Variants in KCNMB2 observed in about 807,000 individuals in gnomAD.
The protein encoded by KCNMB2 is calcium-activated potassium channel subunit beta-2.
In KCNMB2, 9 loss-of-function variants were observed where a neutral mutation model predicts 24.5. The observed-to-expected ratio is 0.37, with a 90% CI of 0.22 to 0.64. The LOEUF (loss-of-function observed/expected upper bound fraction) is 0.64, where lower values mean the gene tolerates loss of function less well. Among genes scored for constraint, KCNMB2 ranks in the 30% least tolerant of loss-of-function variants. KCNMB2 has a pLI of 0.63. For synonymous variants in KCNMB2, 109 were observed against 104.4 expected (o/e 1.04, Z -0.27); for missense variants, 226 against 284.3 (o/e 0.79, Z 1.47).
intron 1 of KCNMB2, among the ~76,000 whole-genome samples, chr3:178,764,090 G>A (rs754211074): frequency 2.6e-5 from 4 of 152,156 alleles, no homozygotes; most frequent in African/African-American, 4.8e-5. Context: ...TATTTGATTC[G>A]TAGTCTACTG....
chr3:178,660,709 G>A (rs181943753), intron 1 of KCNMB2, among the ~76,000 whole-genome samples: 72 of 152,232 alleles, frequency 4.7e-4, no homozygotes, highest in African/African-American at 1.6e-3. Flanking sequence ...ACTAAGACTC[G>A]GAGAGGTTAA....
intron 1 of KCNMB2, among the ~76,000 whole-genome samples, chr3:178,563,932 A>T (rs1311426584): frequency 6.6e-6 from 1 of 152,206 alleles, no homozygotes; most frequent in Non-Finnish European, 1.5e-5. Context: ...CAAAACATGG[A>T]AATGAAGAGT....
chr3:178,807,329 T>C lies in KCNMB2; in HGVS notation c.-67-14T>C, dbSNP rs942322929. On this transcript the variant is annotated splice_polypyrimidine_tract_variant and intron_variant, in intron 1 of 4. Transcript: ENST00000452583. Reference sequence around the variant, plus strand: ...CTATTTGTTGCTGTTAACTTCATTGTGTACCTCTTCTAGGTCTTTTTGCCA... The same window carrying C: ...CTATTTGTTGCTGTTAACTTCATTGCGTACCTCTTCTAGGTCTTTTTGCCA... 7.1e-6 allele frequency: 8 copies of C among 1,132,002 alleles called. No individual in the cohort carries two copies. The Admixed American group carries it at 1.5e-4, about 21-fold the overall frequency. The allele number at this position is 1,132,002 out of a possible 1,614,324, so 70.1% of individuals were successfully genotyped here.
intron 1 of KCNMB2, among the ~76,000 whole-genome samples, chr3:178,592,323 C>T (rs891847480): frequency 5.9e-5 from 9 of 152,052 alleles, no homozygotes; most frequent in African/African-American, 2.2e-4. Flanking sequence ...AGGTGGAACG[C>T]GAAGGTAATA....
At position 178,735,972 on chromosome 3, in the gene KCNMB2, A is replaced by C. The variant is rs191121747; in HGVS notation, c.-67-71371A>C. 1.5e-3 allele frequency among the ~76,000 whole-genome samples: 234 copies of C among 152,312 alleles called. 1 individual carries two copies. Among genetic ancestry groups the C allele is most frequent in the African/African-American group, 5.4e-3 (226 of 41,582 alleles). On this transcript the variant is annotated intron_variant, in intron 1 of 4. Transcript: ENST00000452583. ...CCAGTAAAATGTTTATAGGAGTACA[A>C]ATAAAGTCTGCCGGTTTTTGGTGTC...
At chr3:178,536,938 G>C (rs1327480802) in intron 1 of KCNMB2, among the ~76,000 whole-genome samples, 1 of 152,202 alleles carries the variant, frequency 6.6e-6, no homozygotes, top group African/African-American at 2.4e-5. Context: ...AGCTTGCTGA[G>C]TGTGCATTCC....
At chr3:178,675,115 G>A (rs1721028655) in intron 1 of KCNMB2, among the ~76,000 whole-genome samples, 1 of 152,190 alleles carries the variant, frequency 6.6e-6, no homozygotes, top group African/African-American at 2.4e-5. Context: ...TTCAGTAAAT[G>A]TCTGTAAATG....
At chr3:178,772,480 T>C (rs1560015525) in intron 1 of KCNMB2, among the ~76,000 whole-genome samples, 6 of 152,190 alleles carry the variant, frequency 3.9e-5, no homozygotes, top group Admixed American at 2.0e-4. Flanking sequence ...GGGGTTTTCC[T>C]GCACAAGCTC....
Position 178,693,960 on chromosome 3 carries a change from A to T in KCNMB2, c.-67-113383A>T, listed in dbSNP as rs112008811. 1.7e-3 allele frequency among the ~76,000 whole-genome samples: 248 copies of T among 149,952 alleles called. 1 individual carries two copies. Among genetic ancestry groups the T allele is most frequent in the African/African-American group, 5.8e-3 (237 of 40,582 alleles). ...TTCAGAGCTCATTATTGGTCTTTTC[A>T]GGGATTAAACGCATTCCTGTTTCAG... On this transcript the variant is annotated intron_variant, in intron 1 of 4. Coordinates refer to ENST00000452583, the MANE Select transcript of KCNMB2 (RefSeq NM_181361.3).
chr3:178,680,747 C>A (rs1277395608), intron 1 of KCNMB2, among the ~76,000 whole-genome samples: 1 of 152,154 alleles, frequency 6.6e-6, no homozygotes, highest in Non-Finnish European at 1.5e-5. Context: ...CAGTGTGACT[C>A]ATTTTCTAAA....
At chr3:178,580,022 G>A (rs1190671033) in intron 1 of KCNMB2, among the ~76,000 whole-genome samples, 1 of 152,110 alleles carries the variant, frequency 6.6e-6, no homozygotes, top group Non-Finnish European at 1.5e-5. Flanking sequence ...CATTTTATGA[G>A]ACCAGCATCA....
intron 1 of KCNMB2, among the ~76,000 whole-genome samples, chr3:178,676,981 T>C (rs1040375677): frequency 6.6e-6 from 1 of 151,792 alleles, no homozygotes; most frequent in African/African-American, 2.4e-5. Flanking sequence ...GCCATAGGAG[T>C]GGCCAACCTC....
chr3:178,596,470 T>C (rs2108503818), intron 1 of KCNMB2, among the ~76,000 whole-genome samples: 1 of 152,212 alleles, frequency 6.6e-6, no homozygotes, highest in East Asian at 1.9e-4. Context: ...GGATATGAAC[T>C]CAATGAACAT....
At chr3:178,759,481 A>G (rs1711604240) in intron 1 of KCNMB2, among the ~76,000 whole-genome samples, 1 of 109,160 alleles carries the variant, frequency 9.2e-6, no homozygotes, top group African/African-American at 4.0e-5. Flanking sequence ...ATATATATAT[A>G]TATATATCTC....
intron 1 of KCNMB2, among the ~76,000 whole-genome samples, chr3:178,547,507 T>G (rs115681986): frequency 0.011 from 1,743 of 152,280 alleles, 27 homozygotes; most frequent in African/African-American, 0.04. Context: ...CATTTTAAAA[T>G]TATAGTGTAT....
chr3:178,678,258 A>T (rs1577090936), intron 1 of KCNMB2, among the ~76,000 whole-genome samples: 1 of 152,288 alleles, frequency 6.6e-6, no homozygotes, highest in East Asian at 1.9e-4. Context: ...GGCAGTTAGA[A>T]CATAGTTTAT....
At chr3:178,539,504 T>G (rs977158301) in intron 1 of KCNMB2, among the ~76,000 whole-genome samples, 1 of 152,194 alleles carries the variant, frequency 6.6e-6, no homozygotes, top group African/African-American at 2.4e-5. Context: ...CCTGTTGCCA[T>G]CTTTGTCTGT....
chr3:178,813,197 C>T (rs1417343307), intron 2 of KCNMB2, among the ~76,000 whole-genome samples: 1 of 152,054 alleles, frequency 6.6e-6, no homozygotes, highest in Non-Finnish European at 1.5e-5. Flanking sequence ...TTCCTAAGTA[C>T]TACCTTTGTA....
intron 1 of KCNMB2, among the ~76,000 whole-genome samples, chr3:178,681,331 T>A (rs1345518671): frequency 6.6e-6 from 1 of 152,210 alleles, no homozygotes; most frequent in Non-Finnish European, 1.5e-5. Context: ...TGCTCAATAA[T>A]TTGTAATAGC....
Sources: allele counts gnomAD v4.1 joint callset (sites outside exome capture counted in the v4.1 genomes callset), GRCh38; gene constraint gnomAD v4.1.1; transcripts MANE v1.5; gene names NCBI Gene and HGNC (gene_info 2026-07-23, HGNC 2026-07-21).